ANKS1B: variants seen among roughly 807,000 people sequenced by gnomAD.
The protein encoded by ANKS1B is ankyrin repeat and sterile alpha motif domain-containing protein 1B.
In ANKS1B, 36 loss-of-function variants were observed where a neutral mutation model predicts 148.3. That is an observed-to-expected ratio of 0.24 (90% CI 0.19 to 0.32). The LOEUF is 0.32. ANKS1B is among the 10% of genes least tolerant of loss of function. ANKS1B has a pLI of 1.00. For missense variants in ANKS1B, 1,157 were observed against 1,542.6 expected (o/e 0.75, Z 4.19); for synonymous variants, 542 against 560.8 (o/e 0.97, Z 0.47).
chr12:99,473,424 G>C (rs1473627446), intron 10 of ANKS1B, among the ~76,000 whole-genome samples: 2 of 152,050 alleles, frequency 1.3e-5, no homozygotes, highest in Non-Finnish European at 2.9e-5. Flanking sequence ...ATCCGTGAGA[G>C]ACTTAAAGTT....
At chr12:99,472,101 T>C (rs2096251086) in intron 10 of ANKS1B, among the ~76,000 whole-genome samples, 1 of 152,158 alleles carries the variant, frequency 6.6e-6, no homozygotes, top group African/African-American at 2.4e-5. Context: ...ACCACCACAG[T>C]AAATTATAGT....
At chr12:99,340,637 C>T (rs973043807) in intron 12 of ANKS1B, among the ~76,000 whole-genome samples, 5 of 151,872 alleles carry the variant, frequency 3.3e-5, no homozygotes, top group Non-Finnish European at 5.9e-5. Context: ...ATATCCAGTA[C>T]CAGATATCAG....
At chr12:99,614,892 G>GAA (rs36019881) in intron 9 of ANKS1B, among the ~76,000 whole-genome samples, 78,292 of 148,698 alleles carry the variant, frequency 0.53, 20,609 homozygotes, top group South Asian at 0.62. Context: ...TCTTCCTCAG[G>GAA]AAAAAAAAAA....
intron 15 of ANKS1B, among the ~76,000 whole-genome samples, chr12:99,148,621 T>C (rs2073964654): frequency 6.6e-6 from 1 of 152,170 alleles, no homozygotes; most frequent in African/African-American, 2.4e-5. Context: ...AGAACATTTC[T>C]TCTAGACTAC....
intron 12 of ANKS1B, among the ~76,000 whole-genome samples, chr12:99,333,371 G>GGTGCACAATTAT (rs1052224529): frequency 1.3e-5 from 2 of 152,010 alleles, no homozygotes; most frequent in Non-Finnish European, 2.9e-5. Context: ...TCAAGAAGCA[G>GGTGCACAATTAT]GTGCACAATT....
intron 10 of ANKS1B, among the ~76,000 whole-genome samples, chr12:99,465,280 C>T (rs975093330): frequency 6.6e-6 from 1 of 152,180 alleles, no homozygotes; most frequent in African/African-American, 2.4e-5. Context: ...CCTAAAAGAG[C>T]TCCTGAAGGA....
chr12:99,891,477 C>T (rs1317769569), intron 1 of ANKS1B, among the ~76,000 whole-genome samples: 2 of 152,072 alleles, frequency 1.3e-5, no homozygotes, highest in East Asian at 3.9e-4. Context: ...GATTCTGACT[C>T]CCAAAATGCC....
chr12:99,129,874 AATG>A (rs745491873), intron 15 of ANKS1B, among the ~76,000 whole-genome samples: 1 of 152,222 alleles, frequency 6.6e-6, no homozygotes, highest in East Asian at 1.9e-4. Flanking sequence ...TGTATCAAAA[AATG>A]ATAAGTTTAA....
At chr12:99,118,395 G>C (rs2061918795) in intron 15 of ANKS1B, among the ~76,000 whole-genome samples, 1 of 152,108 alleles carries the variant, frequency 6.6e-6, no homozygotes, top group Non-Finnish European at 1.5e-5. Context: ...CAAAGGAATG[G>C]AATTGGTTAC....
At chr12:99,868,202 G>C (rs1230470139) in intron 1 of ANKS1B, among the ~76,000 whole-genome samples, 1 of 152,146 alleles carries the variant, frequency 6.6e-6, no homozygotes, top group Non-Finnish European at 1.5e-5. Flanking sequence ...TGTCCTTTGG[G>C]AGTAGTAAAT....
chr12:99,783,678 T>C (rs2064626099), intron 4 of ANKS1B, among the ~76,000 whole-genome samples: 1 of 152,078 alleles, frequency 6.6e-6, no homozygotes, highest in South Asian at 2.1e-4. Context: ...CTAAAAAAGT[T>C]GGACCCATAG....
At chr12:98,895,417 C>A in intron 17 of ANKS1B, 1 of 570,666 alleles carries the variant, frequency 1.8e-6, no homozygotes, top group Non-Finnish European at 2.2e-6. Flanking sequence ...GCAGCAGCCG[C>A]CACTGCCGCT....
intron 1 of ANKS1B, among the ~76,000 whole-genome samples, chr12:99,935,336 T>A (rs1306498788): frequency 6.8e-6 from 1 of 147,062 alleles, no homozygotes; most frequent in Non-Finnish European, 1.5e-5. Context: ...AAGGATGTGT[T>A]CTTTTTCTGT....
intron 12 of ANKS1B, among the ~76,000 whole-genome samples, chr12:99,289,079 T>C (rs1201758215): frequency 2.6e-5 from 4 of 152,042 alleles, no homozygotes; most frequent in Admixed American, 2.6e-4. Flanking sequence ...ATAAAAGATA[T>C]TTCATGCAAA....
chr12:99,673,479 T>A (rs1017251229), intron 8 of ANKS1B, among the ~76,000 whole-genome samples: 4 of 152,070 alleles, frequency 2.6e-5, no homozygotes, highest in African/African-American at 9.7e-5. Context: ...AAAAATATTA[T>A]GTTGACCTTA....
At chr12:99,363,585 A>G (rs1421351802) in intron 12 of ANKS1B, among the ~76,000 whole-genome samples, 2 of 143,424 alleles carry the variant, frequency 1.4e-5, no homozygotes, top group African/African-American at 5.2e-5. Context: ...AAGCTTCAGG[A>G]CCCTTGATTT....
intron 9 of ANKS1B, among the ~76,000 whole-genome samples, chr12:99,623,079 A>T (rs2098073692): frequency 6.6e-6 from 1 of 152,104 alleles, no homozygotes; most frequent in Non-Finnish European, 1.5e-5. Context: ...CATTCCTGGG[A>T]TGCAAAGTTG....
chr12:99,288,513 C>T (rs767282760), intron 12 of ANKS1B, among the ~76,000 whole-genome samples: 7 of 151,916 alleles, frequency 4.6e-5, no homozygotes, highest in South Asian at 2.1e-4. Context: ...CAGACAAACA[C>T]GTAATATTAG....
intron 11 of ANKS1B, among the ~76,000 whole-genome samples, chr12:99,437,575 G>T (rs2095482445): frequency 6.6e-6 from 1 of 151,830 alleles, no homozygotes; most frequent in Non-Finnish European, 1.5e-5. Context: ...TCATGAAACA[G>T]GGAAAGGAGT....
Sources: allele counts gnomAD v4.1 joint callset (sites outside exome capture counted in the v4.1 genomes callset), GRCh38; gene constraint gnomAD v4.1.1; transcripts MANE v1.5; gene names NCBI Gene and HGNC (gene_info 2026-07-23, HGNC 2026-07-21).